The following LYRM4 variants were observed in gnomAD, a reference collection of about 807,000 sequenced individuals.
LYRM4 encodes the protein LYR motif containing 4, also known as LYR motif-containing protein 4.
LYRM4 carries 9 observed loss-of-function variants against 11.7 expected under a neutral mutation model. The observed-to-expected ratio is 0.77, with a 90% CI of 0.46 to 1.34. The LOEUF is 1.34. Among genes scored for constraint, LYRM4 ranks in the 40% most tolerant of loss-of-function variants. The pLI is 0.00. For missense variants in LYRM4, 133 were observed against 112.5 expected, an observed-to-expected ratio of 1.18 and a Z score of -0.82; for synonymous variants, 42 against 40.4, an observed-to-expected ratio of 1.04 and a Z score of -0.15.
the LYRM4 span, chr6:5,034,624 C>T: frequency 1.3e-5 from 2 of 153,028 alleles, no homozygotes; most frequent in South Asian, 2.1e-4. Context: ...CTGCCATGAG[C>T]GGAAGCAGCC....
chr6:5,143,218 A>AGTGGAGTCTGATGCCGT (rs58528949), intron 2 of LYRM4, among the ~76,000 whole-genome samples: 127,158 of 151,904 alleles, frequency 0.84, 53,388 homozygotes, highest in East Asian at 0.92. Context: ...CTTCTGTGTG[A>AGTGGAGTCTGATGCCGT]GTCAGCACAC....
At chr6:5,085,664 C>A in the LYRM4 span, 2 of 1,548,404 alleles carry the variant, frequency 1.3e-6, no homozygotes, top group Admixed American at 3.9e-5. Context: ...AGGCCCCTGT[C>A]CCCGAAGGAA....
At chr6:5,102,442 T>C (rs1162661242), downstream of LYRM4, among the ~76,000 whole-genome samples, 1 of 152,210 alleles carries the variant, frequency 6.6e-6, no homozygotes, top group Non-Finnish European at 1.5e-5. Flanking sequence ...ACGGTCTCTG[T>C]ATTCAAGACT....
intron 1 of LYRM4, among the ~76,000 whole-genome samples, chr6:5,235,289 T>G (rs1017859428): frequency 6.6e-6 from 1 of 151,980 alleles, no homozygotes; most frequent in South Asian, 2.1e-4. Flanking sequence ...ATTACAGGCA[T>G]GAGCCACTGC....
chr6:5,177,463 T>C (rs1333515719), intron 2 of LYRM4, among the ~76,000 whole-genome samples: 2 of 152,222 alleles, frequency 1.3e-5, no homozygotes, highest in Non-Finnish European at 2.9e-5. Flanking sequence ...GGGGGCACCA[T>C]TCAGTGAGAC....
intron 2 of LYRM4, among the ~76,000 whole-genome samples, chr6:5,169,796 CTG>C (rs760987454): frequency 1.3e-5 from 2 of 152,202 alleles, no homozygotes. Context: ...ACCTTGCATT[CTG>C]TGTCTGCTGT....
At chr6:5,112,326 C>T (rs866260005) in intron 2 of LYRM4, among the ~76,000 whole-genome samples, 3 of 152,212 alleles carry the variant, frequency 2.0e-5, no homozygotes, top group Middle Eastern at 3.2e-3. Context: ...CCCTGGGCCT[C>T]GCACAGTCCT....
At chr6:5,051,592 A>G in the LYRM4 span, among the ~76,000 whole-genome samples, 1 of 152,230 alleles carries the variant, frequency 6.6e-6, no homozygotes, top group Admixed American at 6.5e-5. Flanking sequence ...ATCCAGCAAA[A>G]CTATCCTTTA....
chr6:5,086,002 G>C, the LYRM4 span: 1 of 1,519,990 alleles, frequency 6.6e-7, no homozygotes, highest in South Asian at 1.2e-5. Context: ...GCGTGCCGAG[G>C]ACCTGGAGCA....
At chr6:5,083,268 G>C in the LYRM4 span, among the ~76,000 whole-genome samples, 1 of 152,230 alleles carries the variant, frequency 6.6e-6, no homozygotes, top group African/African-American at 2.4e-5. Context: ...CTTTAAAATA[G>C]CTTGTGAATT....
At chr6:5,092,887 C>T in the LYRM4 span, among the ~76,000 whole-genome samples, 2 of 152,146 alleles carry the variant, frequency 1.3e-5, no homozygotes, top group Non-Finnish European at 2.9e-5. Context: ...CTGTGACGCT[C>T]GGATCACCAT....
At chr6:5,166,119 T>C (rs1759073909) in intron 2 of LYRM4, among the ~76,000 whole-genome samples, 1 of 152,234 alleles carries the variant, frequency 6.6e-6, no homozygotes. Flanking sequence ...AGAGCTAACC[T>C]GAAGAATATG....
chr6:5,086,564 C>T, the LYRM4 span: 1 of 1,506,724 alleles, frequency 6.6e-7, no homozygotes, highest in Non-Finnish European at 8.9e-7. Flanking sequence ...GCGCTCTGAG[C>T]CTGGAGAGTT....
chr6:5,085,086 C>T, the LYRM4 span: 1 of 214,038 alleles, frequency 4.7e-6, no homozygotes, highest in East Asian at 1.3e-4. Context: ...ACGCGAGCCC[C>T]GCCGGGGGTG....
the LYRM4 span, among the ~76,000 whole-genome samples, chr6:5,079,024 G>A: frequency 6.6e-6 from 1 of 152,070 alleles, no homozygotes; most frequent in Admixed American, 6.6e-5. Flanking sequence ...TCTATGGCTG[G>A]GCCTGAGAAT....
At chr6:5,089,707 G>C in the LYRM4 span, among the ~76,000 whole-genome samples, 1 of 152,202 alleles carries the variant, frequency 6.6e-6, no homozygotes, top group Admixed American at 6.5e-5. Context: ...AGGAAACCTA[G>C]TTTTGCTCTC....
chr6:5,223,235 C>T (rs1762689205), intron 1 of LYRM4, among the ~76,000 whole-genome samples: 1 of 152,212 alleles, frequency 6.6e-6, no homozygotes. Context: ...CTGCTTTCCA[C>T]AGTCATTTGC....
chr6:5,159,952 T>C (rs1177478896), intron 2 of LYRM4, among the ~76,000 whole-genome samples: 1 of 152,204 alleles, frequency 6.6e-6, no homozygotes, highest in African/African-American at 2.4e-5. Context: ...CTGGGATGTT[T>C]TTCTTCCATT....
At chr6:5,224,262 T>A (rs1295496682) in intron 1 of LYRM4, among the ~76,000 whole-genome samples, 1 of 152,138 alleles carries the variant, frequency 6.6e-6, no homozygotes, top group East Asian at 1.9e-4. Flanking sequence ...AAACAATAAC[T>A]CACAAGAGAC....
Sources: gnomAD v4.1 joint callset for allele counts (sites outside exome capture counted in the v4.1 genomes callset) on GRCh38, gnomAD v4.1.1 for gene constraint, MANE v1.5 for transcripts, NCBI Gene and HGNC (gene_info 2026-07-23, HGNC 2026-07-21) for gene names.